The following IFT81 variants were observed in gnomAD, a reference collection of about 807,000 sequenced individuals.
IFT81 encodes intraflagellar transport protein 81 homolog.
A neutral mutation model predicts 102.6 loss-of-function variants in IFT81; 72 were observed. The ratio of observed to expected loss-of-function variants is 0.70; its 90% CI spans 0.58 to 0.85. The LOEUF is 0.85. Among genes scored for constraint, IFT81 ranks in the 40% least tolerant of loss-of-function variants. The probability of loss-of-function intolerance (pLI) is 0.00; values close to 1 mark genes in which losing one functional copy is unlikely to be tolerated. For synonymous variants in IFT81, 237 were observed against 242.7 expected (o/e 0.98, Z 0.22); for missense variants, 723 against 787.3 (o/e 0.92, Z 0.98).
intron 10 of IFT81, among the ~76,000 whole-genome samples, chr12:110,151,917 T>G (rs944460205): frequency 6.6e-6 from 1 of 152,194 alleles, no homozygotes; most frequent in African/African-American, 2.4e-5. Context: ...TTTGTCTTTC[T>G]GTGCCTGGCT....
intron 15 of IFT81, chr12:110,204,285 A>C (rs1419356811): frequency 4.7e-6 from 1 of 211,944 alleles, no homozygotes; most frequent in Non-Finnish European, 9.6e-6. Context: ...ACTCCCAGCA[A>C]AGTACAAGGC....
chr12:110,145,881 G>T (rs995584956), intron 9 of IFT81, among the ~76,000 whole-genome samples: 1 of 151,924 alleles, frequency 6.6e-6, no homozygotes, highest in Admixed American at 6.6e-5. Context: ...TGCGATCTCG[G>T]CTCACTGCAA....
intron 17 of IFT81, among the ~76,000 whole-genome samples, chr12:110,207,751 G>T (rs548072266): frequency 6.6e-6 from 1 of 151,800 alleles, no homozygotes; most frequent in Admixed American, 6.6e-5. Flanking sequence ...TTTTAGTAGA[G>T]ACAGGGTTTC....
chr12:110,218,180 T>A lies in IFT81; in HGVS notation c.1985T>A (p.Ile662Asn). The change falls in exon 19 of 19, where the codon ATT becomes AAT. Residue 662 changes from isoleucine to asparagine, a missense_variant. Ile to Asn is a moderately radical substitution (Grantham distance 149). Coordinates refer to ENST00000242591, the MANE Select transcript of IFT81 (RefSeq NM_014055.4). The part of the protein sequence containing the change: ...CFLKQQSQTS[I>N]GQVIQEGGED... ...CTGAAACAACAAAGCCAAACTTCCA[T>A]TGGTCAGGTAATTCAGGAGGGTGGG... The A allele has an allele frequency of 3.8e-6, 6 of 1,583,958 alleles. No homozygotes were observed. The South Asian group carries it at 5.9e-5, about 16-fold the overall frequency.
intron 1 of IFT81, 98 bp from the exon 2 acceptor site, chr12:110,127,262 T>C: frequency 3.6e-6 from 4 of 1,122,162 alleles, no homozygotes; most frequent in South Asian, 4.3e-5. Flanking sequence ...TGTAAAATTA[T>C]ACTTTTCATG....
chr12:110,140,910 A>G (rs907056905), intron 8 of IFT81, among the ~76,000 whole-genome samples: 7 of 151,366 alleles, frequency 4.6e-5, no homozygotes, highest in African/African-American at 1.7e-4. Context: ...TTTTTTTAGT[A>G]GAGACGGGGT....
chr12:110,214,838 C>T (rs917050412), intron 18 of IFT81, among the ~76,000 whole-genome samples: 3 of 152,086 alleles, frequency 2.0e-5, no homozygotes, highest in Admixed American at 1.3e-4. Context: ...TAAGTAGTGC[C>T]TTAATTTAAA....
chr12:110,130,423 G>A (rs1387213952), intron 4 of IFT81, among the ~76,000 whole-genome samples: 5 of 149,176 alleles, frequency 3.4e-5, no homozygotes, highest in African/African-American at 9.9e-5. Flanking sequence ...TGGATGGAGT[G>A]CAGTGGTGCA....
chr12:110,197,925 T>C (rs1160783367), intron 14 of IFT81, among the ~76,000 whole-genome samples: 1 of 152,164 alleles, frequency 6.6e-6, no homozygotes, highest in Non-Finnish European at 1.5e-5. Flanking sequence ...TTGGTCAGGC[T>C]GGTCTCGAAC....
chr12:110,146,250 CA>C (rs1157884914), intron 9 of IFT81, among the ~76,000 whole-genome samples: 14 of 152,088 alleles, frequency 9.2e-5, no homozygotes, highest in Admixed American at 9.2e-4. Context: ...CAGATTTATT[CA>C]GTTTTATTAC....
At chr12:110,156,747 C>T (rs907944311) in intron 10 of IFT81, among the ~76,000 whole-genome samples, 5 of 152,060 alleles carry the variant, frequency 3.3e-5, no homozygotes, top group African/African-American at 9.7e-5. Context: ...TCTGCCTGCC[C>T]CAGCCTTCCA....
intron 9 of IFT81, among the ~76,000 whole-genome samples, chr12:110,145,028 A>ATT (rs753990394): frequency 0.045 from 5,033 of 110,976 alleles, 413 homozygotes; most frequent in African/African-American, 0.14. Flanking sequence ...ACTATGCCTA[A>ATT]TTTTTTTTTT....
At chr12:110,214,306 C>G (rs962289231) in intron 18 of IFT81, among the ~76,000 whole-genome samples, 7 of 150,858 alleles carry the variant, frequency 4.6e-5, no homozygotes, top group Non-Finnish European at 1.0e-4. Flanking sequence ...CAAAATTTAT[C>G]AAGTATATTT....
chr12:110,166,232 A>C (rs914617442), intron 11 of IFT81, among the ~76,000 whole-genome samples: 3 of 152,250 alleles, frequency 2.0e-5, no homozygotes, highest in Admixed American at 2.0e-4. Flanking sequence ...AGAATTTGAA[A>C]GCTAGAAATA....
intron 9 of IFT81, 136 bp from the exon 10 acceptor site, chr12:110,146,817 A>G: frequency 9.4e-7 from 1 of 1,062,978 alleles, no homozygotes; most frequent in Non-Finnish European, 1.2e-6. Context: ...AAAAAAAATT[A>G]GTCTAGGTGA....
At chr12:110,132,970 CTTT>C (rs11349893) in intron 5 of IFT81, among the ~76,000 whole-genome samples, 19 of 124,906 alleles carry the variant, frequency 1.5e-4, no homozygotes, top group Admixed American at 1.7e-4. Flanking sequence ...CTTTCTCTCT[CTTT>C]TTTTTTTTTT....
At chr12:110,187,401 C>T (rs1031440158) in intron 12 of IFT81, among the ~76,000 whole-genome samples, 2 of 152,020 alleles carry the variant, frequency 1.3e-5, no homozygotes, top group Admixed American at 1.3e-4. Context: ...GTAGCTGGGA[C>T]TACAGGCACC....
chr12:110,191,155 T>G, intron 13 of IFT81, 107 bp downstream of exon 13: 1 of 983,334 alleles, frequency 1.0e-6, no homozygotes. Flanking sequence ...TTCTGCACAT[T>G]ACATTCTTTC....
chr12:110,180,617 G>A, intron 12 of IFT81, 46 bp downstream of exon 12: 1 of 1,445,834 alleles, frequency 6.9e-7, no homozygotes, highest in East Asian at 2.3e-5. Flanking sequence ...AATGCCAGGA[G>A]GTTTATGGGT....
Sources: allele counts gnomAD v4.1 joint callset (sites outside exome capture counted in the v4.1 genomes callset), GRCh38; gene constraint gnomAD v4.1.1; transcripts MANE v1.5; gene names NCBI Gene and HGNC (gene_info 2026-07-23, HGNC 2026-07-21).